FNDC3B: variants seen among roughly 807,000 people sequenced by gnomAD.
FNDC3B encodes the protein fibronectin type III domain containing 3B, also known as fibronectin type III domain-containing protein 3B.
FNDC3B carries 12 observed loss-of-function variants against 151.5 expected under a neutral mutation model. That is an observed-to-expected ratio of 0.08 (90% CI 0.05 to 0.13). FNDC3B has a LOEUF of 0.13. Among genes scored for constraint, FNDC3B ranks in the 10% least tolerant of loss-of-function variants. The probability of loss-of-function intolerance (pLI) is 1.00; values close to 1 mark genes in which losing one functional copy is unlikely to be tolerated. For synonymous variants in FNDC3B, 528 were observed against 549.0 expected, an observed-to-expected ratio of 0.96 and a Z score of 0.54; for missense variants, 1,214 against 1,505.3, an observed-to-expected ratio of 0.81 and a Z score of 3.20.
intron 3 of FNDC3B, among the ~76,000 whole-genome samples, chr3:172,136,719 T>A (rs765149389): frequency 4.7e-4 from 72 of 152,240 alleles, no homozygotes; most frequent in Non-Finnish European, 5.9e-4. Flanking sequence ...GTGTTTTTGT[T>A]TTGTTTGTTT....
intron 3 of FNDC3B, among the ~76,000 whole-genome samples, chr3:172,152,331 T>C (rs1383493658): frequency 6.6e-6 from 1 of 152,226 alleles, no homozygotes; most frequent in African/African-American, 2.4e-5. Context: ...TTTGGGTTTC[T>C]GTGTGTATGT....
intron 6 of FNDC3B, among the ~76,000 whole-genome samples, chr3:172,285,018 T>A (rs1729936960): frequency 6.6e-6 from 1 of 152,062 alleles, no homozygotes; most frequent in South Asian, 2.1e-4. Context: ...GTACACATCC[T>A]TCCCCCCTCG....
intron 6 of FNDC3B, among the ~76,000 whole-genome samples, chr3:172,276,567 A>G (rs1729442806): frequency 6.6e-6 from 1 of 152,198 alleles, no homozygotes; most frequent in Non-Finnish European, 1.5e-5. Context: ...TATAACTGTC[A>G]GGTAAAAGGG....
intron 11 of FNDC3B, among the ~76,000 whole-genome samples, chr3:172,327,480 G>A (rs1387632892): frequency 1.3e-5 from 2 of 152,086 alleles, no homozygotes; most frequent in South Asian, 2.1e-4. Context: ...GGCTCACTGC[G>A]AGCTCCGTCT....
At position 172,347,206 on chromosome 3, in the gene FNDC3B, T is replaced by A; in HGVS notation, c.2365-6T>A. ...TTATTAACTACTTCCATTTCTGCCTTTCCAGAGTCCTGATAGTTCTGGTGC... is the reference window on the plus strand; with the variant it reads ...TTATTAACTACTTCCATTTCTGCCTATCCAGAGTCCTGATAGTTCTGGTGC... On this transcript the variant is annotated splice_region_variant and splice_polypyrimidine_tract_variant and intron_variant, in intron 20 of 25. Coordinates refer to ENST00000415807, the MANE Select transcript of FNDC3B (RefSeq NM_022763.4). The A allele has an allele frequency of 6.2e-7, 1 of 1,609,126 alleles. No homozygotes were observed. Among genetic ancestry groups the A allele is most frequent in the Non-Finnish European group, 8.5e-7 (1 of 1,177,382 alleles).
intron 3 of FNDC3B, among the ~76,000 whole-genome samples, chr3:172,141,805 C>G (rs1030594774): frequency 1.3e-5 from 2 of 151,900 alleles, no homozygotes; most frequent in African/African-American, 4.8e-5. Flanking sequence ...GAGCTGAGAT[C>G]GTGCCATTGC....
At chr3:172,323,839 A>G (rs2108275087) in intron 11 of FNDC3B, among the ~76,000 whole-genome samples, 1 of 152,302 alleles carries the variant, frequency 6.6e-6, no homozygotes, top group African/African-American at 2.4e-5. Flanking sequence ...CTTGAAACCA[A>G]AAATGCATGA....
intron 3 of FNDC3B, among the ~76,000 whole-genome samples, chr3:172,174,942 C>CCCCCCCCCA (rs1553769237): frequency 7.5e-5 from 5 of 66,384 alleles, no homozygotes; most frequent in Non-Finnish European, 2.0e-4. Flanking sequence ...CACCCCCCCC[C>CCCCCCCCCA]CCCCAATACA....
chr3:172,330,860 G>A lies in FNDC3B; in HGVS notation c.1554+145G>A, dbSNP rs76553606. The A allele has an allele frequency of 2.9e-3, 1,801 of 616,804 alleles. 4 individuals carry two copies. The highest frequency in any genetic ancestry group is 4.3e-3 in the Non-Finnish European group (1,546 of 361,076). The allele number at this position is 616,804 out of a possible 1,614,324, so 38.2% of individuals were successfully genotyped here. Reference sequence around the variant, plus strand: ...CTCTGTCACCACCACTACCAACACCGGCCTGTTCTTTCCCATCTCTGTAAA... The same window carrying A: ...CTCTGTCACCACCACTACCAACACCAGCCTGTTCTTTCCCATCTCTGTAAA... On this transcript the variant is annotated intron_variant, in intron 13 of 25. Coordinates refer to ENST00000415807, the MANE Select transcript of FNDC3B (RefSeq NM_022763.4).
intron 24 of FNDC3B, among the ~76,000 whole-genome samples, chr3:172,379,670 T>C (rs529744445): frequency 1.1e-4 from 17 of 152,304 alleles, no homozygotes; most frequent in African/African-American, 3.9e-4. Context: ...AGCTTTGCCT[T>C]TCAGTTATAA....
chr3:172,197,831 C>T (rs922106011), intron 3 of FNDC3B, among the ~76,000 whole-genome samples: 13 of 152,154 alleles, frequency 8.5e-5, no homozygotes, highest in Admixed American at 2.6e-4. Context: ...TATTGATTTG[C>T]CTCATTACTG....
intron 3 of FNDC3B, among the ~76,000 whole-genome samples, chr3:172,224,455 G>A (rs997306342): frequency 3.9e-5 from 6 of 152,116 alleles, no homozygotes; most frequent in Admixed American, 2.0e-4. Context: ...TGAGTGATTT[G>A]GTATATTATC....
chr3:172,339,145 T>C (rs1215479802), intron 16 of FNDC3B, among the ~76,000 whole-genome samples: 3 of 152,184 alleles, frequency 2.0e-5, no homozygotes, highest in African/African-American at 7.2e-5. Flanking sequence ...TTTTATTCTG[T>C]ACCATGAGAA....
chr3:172,281,040 C>T (rs1729683681), intron 6 of FNDC3B, among the ~76,000 whole-genome samples: 1 of 146,570 alleles, frequency 6.8e-6, no homozygotes, highest in African/African-American at 2.7e-5. Flanking sequence ...GCCCCCTTTC[C>T]CTTTTTTAGC....
rs150234808 is a variant in FNDC3B, at chr3:172,266,682, C to G, written c.790+15141C>G. Among the ~76,000 whole-genome samples, 5 of 152,310 alleles carry G rather than the reference C, an allele frequency of 3.3e-5. No homozygotes were observed. The East Asian group carries it at 9.7e-4, about 29-fold the overall frequency. ...CTCTTTTGCTTGTAGCCACATCACT[C>G]CAGCTTCAAGACCAGCATCTTCAAA... On this transcript the variant is annotated intron_variant, in intron 6 of 25. Coordinates refer to ENST00000415807, the MANE Select transcript of FNDC3B (RefSeq NM_022763.4).
intron 6 of FNDC3B, among the ~76,000 whole-genome samples, chr3:172,266,676 A>G (rs1728939447): frequency 6.6e-6 from 1 of 152,140 alleles, no homozygotes; most frequent in South Asian, 2.1e-4. Flanking sequence ...TTGTAGCCAC[A>G]TCACTCCAGC....
intron 3 of FNDC3B, among the ~76,000 whole-genome samples, chr3:172,158,012 C>T (rs369858250): frequency 1.3e-5 from 2 of 152,096 alleles, no homozygotes; most frequent in South Asian, 2.1e-4. Flanking sequence ...CTTTTTCACT[C>T]CTTCTACCCT....
intron 1 of FNDC3B, among the ~76,000 whole-genome samples, chr3:172,081,097 A>G (rs1718259296): frequency 6.6e-6 from 1 of 152,224 alleles, no homozygotes; most frequent in East Asian, 1.9e-4. Flanking sequence ...AGATTCATCT[A>G]TTCGGTTGAC....
At chr3:172,100,373 C>T (rs1467915866) in intron 1 of FNDC3B, among the ~76,000 whole-genome samples, 5 of 152,136 alleles carry the variant, frequency 3.3e-5, no homozygotes, top group Non-Finnish European at 7.4e-5. Flanking sequence ...CACTGAAATT[C>T]ACCTATTTGC....
Sources: gnomAD v4.1 joint callset for allele counts (sites outside exome capture counted in the v4.1 genomes callset) on GRCh38, gnomAD v4.1.1 for gene constraint, MANE v1.5 for transcripts, NCBI Gene and HGNC (gene_info 2026-07-23, HGNC 2026-07-21) for gene names.